SGCG: variants seen among roughly 807,000 people sequenced by gnomAD.
SGCG encodes the protein gamma-sarcoglycan.
SGCG carries 26 observed loss-of-function variants against 29.3 expected under a neutral mutation model. The ratio of observed to expected loss-of-function variants is 0.89; its 90% confidence interval spans 0.65 to 1.23. SGCG has a LOEUF of 1.23. SGCG is among the 50% of genes most tolerant of loss of function. The pLI, the probability that SGCG is intolerant of heterozygous loss-of-function variation, is 0.00. For synonymous variants in SGCG, 145 were observed against 129.7 expected (o/e 1.12, Z -0.80); for missense variants, 353 against 356.0 (o/e 0.99, Z 0.07).
chr13:23,314,407 T>TATATATATATATATATAA (rs1439124394), intron 6 of SGCG, among the ~76,000 whole-genome samples: 5 of 140,944 alleles, frequency 3.5e-5, no homozygotes, highest in African/African-American at 1.1e-4. Flanking sequence ...TATATATATA[T>TATATATATATATATATAA]AATCTTATTC....
At chr13:23,161,673 A>G in the SGCG span, among the ~76,000 whole-genome samples, 9 of 152,262 alleles carry the variant, frequency 5.9e-5, no homozygotes, top group Non-Finnish European at 8.8e-5. Context: ...TAACAGGTTC[A>G]GTGTCTCTGG....
intron 5 of SGCG, among the ~76,000 whole-genome samples, chr13:23,288,661 C>T (rs950110587): frequency 1.3e-5 from 2 of 152,128 alleles, no homozygotes; most frequent in South Asian, 2.1e-4. Context: ...CACCAAGTGG[C>T]CAAAGTTAAC....
chr13:23,242,927 T>G (rs145373933), intron 3 of SGCG, among the ~76,000 whole-genome samples: 156 of 152,304 alleles, frequency 1.0e-3, no homozygotes, highest in African/African-American at 3.7e-3. Context: ...TCAGTTTTCT[T>G]ACCTAGAAAA....
chr13:23,219,966 G>C (rs773765368), intron 2 of SGCG, among the ~76,000 whole-genome samples: 1 of 150,696 alleles, frequency 6.6e-6, no homozygotes, highest in Non-Finnish European at 1.5e-5. Flanking sequence ...CTCCCAAGTA[G>C]TGGGACTGCA....
intron 3 of SGCG, among the ~76,000 whole-genome samples, chr13:23,248,877 C>G (rs1379881246): frequency 8.6e-5 from 12 of 139,540 alleles, no homozygotes; most frequent in South Asian, 2.3e-4. Context: ...TGTAGTCCCA[C>G]CTACTTGGGA....
intron 4 of SGCG, among the ~76,000 whole-genome samples, chr13:23,277,646 A>AGG (rs1881133720): frequency 6.6e-6 from 1 of 151,782 alleles, no homozygotes; most frequent in African/African-American, 2.4e-5. Context: ...TTAGGGTCAG[A>AGG]GGGGACACAC....
chr13:23,275,346 C>G (rs1881031305), intron 4 of SGCG, among the ~76,000 whole-genome samples: 1 of 151,776 alleles, frequency 6.6e-6, no homozygotes, highest in Non-Finnish European at 1.5e-5. Context: ...AAAACTCCAT[C>G]TCTACTAAAA....
At chr13:23,297,974 A>G (rs1881973902) in intron 6 of SGCG, among the ~76,000 whole-genome samples, 1 of 151,774 alleles carries the variant, frequency 6.6e-6, no homozygotes, top group South Asian at 2.1e-4. Flanking sequence ...TGAACTCCTG[A>G]GCTCAGGTGA....
chr13:23,163,445 C>A, the SGCG span, among the ~76,000 whole-genome samples: 1 of 152,132 alleles, frequency 6.6e-6, no homozygotes, highest in Non-Finnish European at 1.5e-5. Context: ...AATTTGGACT[C>A]AATTTCAATT....
In SGCG at chr13:23,236,828, GTCAA is replaced by G. The variant is rs562497702; in HGVS notation, c.297+2121_297+2124del. 3.6e-3 allele frequency among the ~76,000 whole-genome samples: 547 copies of G among 152,188 alleles called. 3 individuals carry two copies. The highest frequency in any genetic ancestry group is 0.012 in the African/African-American group (516 of 41,524). ...CTTAGAATGTGGCATTAATGAGTAT[GTCAA>G]TCAACACATAAAATTCAGTAACAAT... On this transcript the variant is annotated intron_variant, in intron 3 of 7. Transcript: ENST00000218867.
At chr13:23,180,100 GCTT>G (rs1477710581), upstream of SGCG, among the ~76,000 whole-genome samples, 2 of 152,058 alleles carry the variant, frequency 1.3e-5, no homozygotes, top group Non-Finnish European at 2.9e-5. Flanking sequence ...CTAAGGCACT[GCTT>G]CTTATATTCA....
chr13:23,306,705 T>C (rs934080775), intron 6 of SGCG, among the ~76,000 whole-genome samples: 1 of 152,224 alleles, frequency 6.6e-6, no homozygotes, highest in African/African-American at 2.4e-5. Context: ...TTATTCCTTC[T>C]GGTAACTGAC....
At chr13:23,304,398 A>G (rs2137497947) in intron 6 of SGCG, among the ~76,000 whole-genome samples, 1 of 152,100 alleles carries the variant, frequency 6.6e-6, no homozygotes, top group African/African-American at 2.4e-5. Context: ...TTCTAATTTT[A>G]TCTTTTCCAG....
chr13:23,277,805 T>G (rs1881144935), intron 4 of SGCG, among the ~76,000 whole-genome samples: 1 of 151,388 alleles, frequency 6.6e-6, no homozygotes, highest in Non-Finnish European at 1.5e-5. Flanking sequence ...TTCATGCCAT[T>G]CTCCCGCCTC....
chr13:23,181,620 G>T (rs1416957706), intron 1 of SGCG, among the ~76,000 whole-genome samples: 1 of 152,178 alleles, frequency 6.6e-6, no homozygotes, highest in Non-Finnish European at 1.5e-5. Context: ...GAAAAGGGAA[G>T]AATGTTTCTT....
In SGCG at chr13:23,223,049, T is replaced by C. The variant is rs958501875; in HGVS notation, c.196-11562T>C. 4.9e-4 allele frequency among the ~76,000 whole-genome samples: 74 copies of C among 151,890 alleles called. 1 individual carries two copies. The highest frequency in any genetic ancestry group is 4.3e-4 in the Non-Finnish European group (29 of 67,894). ...ATCCCAGCACTTTGGGAGGCCAAGG[T>C]GGGCAGATCACGAGGTCAGGAGATC... On this transcript the variant is annotated intron_variant, in intron 2 of 7. Coordinates refer to ENST00000218867, the MANE Select transcript of SGCG (RefSeq NM_000231.3).
chr13:23,304,504 T>C (rs1398485098), intron 6 of SGCG, among the ~76,000 whole-genome samples: 2 of 152,170 alleles, frequency 1.3e-5, no homozygotes. Flanking sequence ...CAAATGTCTC[T>C]ATACACTTGG....
the SGCG span, among the ~76,000 whole-genome samples, chr13:23,175,564 G>A: frequency 6.6e-5 from 10 of 151,972 alleles, no homozygotes; most frequent in Admixed American, 2.0e-4. Flanking sequence ...AACATAATAC[G>A]GAAATTTTAG....
chr13:23,193,440 G>T (rs920171979), intron 1 of SGCG, among the ~76,000 whole-genome samples: 1 of 152,178 alleles, frequency 6.6e-6, no homozygotes, highest in Non-Finnish European at 1.5e-5. Context: ...GTGGAGCAGG[G>T]GCAGTGCAGA....
Sources: allele counts gnomAD v4.1 joint callset (sites outside exome capture counted in the v4.1 genomes callset), GRCh38; gene constraint gnomAD v4.1.1; transcripts MANE v1.5; gene names NCBI Gene and HGNC (gene_info 2026-07-23, HGNC 2026-07-21).